The following TMEM164 variants were observed in gnomAD, a reference collection of about 807,000 sequenced individuals.
The protein encoded by TMEM164 is RP13-360B22.2.
A neutral mutation model predicts 18.8 loss-of-function variants in TMEM164; 4 were observed. That is an observed-to-expected ratio of 0.21 (90% CI 0.10 to 0.49). The LOEUF (loss-of-function observed/expected upper bound fraction) is 0.49, where lower values mean the gene tolerates loss of function less well. TMEM164 is among the 20% of genes least tolerant of loss of function. TMEM164 has a pLI of 0.98. For synonymous variants in TMEM164, 86 were observed against 101.7 expected (o/e 0.85, Z 0.93); for missense variants, 108 against 239.9 (o/e 0.45, Z 3.63).
At chrX:110,144,930 C>T (rs1288050231) in intron 5 of TMEM164, 54 bp downstream of exon 5, 2 of 1,011,362 alleles carry the variant, frequency 2.0e-6, no homozygotes, top group African/African-American at 3.7e-5. Context: ...CCTCTCCCTT[C>T]TGTTTTTGGG....
Position 110,037,984 on chromosome X carries a change from ATTTTTT to A in TMEM164, c.391-29344_391-29339del, listed in dbSNP as rs1036705725. 6.6e-3 allele frequency among the ~76,000 whole-genome samples: 482 copies of A among 72,667 alleles called. 4 individuals carry two copies. The highest frequency in any genetic ancestry group is 0.027 in the African/African-American group (450 of 16,378). The allele number at this position is 72,667 out of a possible 115,157, so 63.1% of individuals were successfully genotyped here. A position where few individuals can be genotyped will look rare whatever the true frequency, so the allele number is the denominator to read the frequency against. ...TTCCTAAAGAACAGCCTTTGGACTC[ATTTTTT>A]TTTTTTTTTTTTTTTTTTGAGACGG... On this transcript the variant is annotated intron_variant, in intron 2 of 6. Coordinates refer to ENST00000372068, the MANE Select transcript of TMEM164 (RefSeq NM_032227.4).
At chrX:110,158,945 A>G (rs1030753146) in intron 5 of TMEM164, among the ~76,000 whole-genome samples, 4 of 112,225 alleles carry the variant, frequency 3.6e-5, no homozygotes, top group Admixed American at 1.9e-4. Context: ...GTACTTCCTC[A>G]TGTGGTTGTA....
At chrX:110,180,272 G>A (rs1311007069), downstream of TMEM164, among the ~76,000 whole-genome samples, 4 of 112,544 alleles carry the variant, frequency 3.6e-5, no homozygotes, top group East Asian at 8.3e-4. Flanking sequence ...CATCCACCCC[G>A]CTGAGGGGTA....
At chrX:110,099,615 T>C (rs766133436) in intron 3 of TMEM164, among the ~76,000 whole-genome samples, 3 of 112,643 alleles carry the variant, frequency 2.7e-5, no homozygotes, top group Non-Finnish European at 5.6e-5. Flanking sequence ...TGCTTTAACT[T>C]TGTAGTAAGC....
At chrX:110,149,712 C>T (rs1225457200) in intron 5 of TMEM164, among the ~76,000 whole-genome samples, 2 of 111,972 alleles carry the variant, frequency 1.8e-5, no homozygotes, top group African/African-American at 3.3e-5. Context: ...CTCAGACTTA[C>T]GAGAGTCACA....
chrX:110,141,735 A>G (rs2066773433), intron 4 of TMEM164, among the ~76,000 whole-genome samples: 1 of 112,595 alleles, frequency 8.9e-6, no homozygotes, highest in East Asian at 2.8e-4. Context: ...TACATGGTAC[A>G]TAATATAAGT....
At chrX:110,007,578 A>G (rs1932789795) in intron 2 of TMEM164, among the ~76,000 whole-genome samples, 1 of 112,273 alleles carries the variant, frequency 8.9e-6, no homozygotes, top group South Asian at 3.7e-4. Context: ...ATCACCCAGT[A>G]AGTTAGTGGC....
intron 2 of TMEM164, chrX:110,020,425 G>A: frequency 1.3e-6 from 1 of 754,090 alleles, no homozygotes; most frequent in Non-Finnish European, 1.6e-6. Context: ...GTTGATTTAG[G>A]AGGTATTGCC....
intron 3 of TMEM164, among the ~76,000 whole-genome samples, chrX:110,093,830 A>G (rs935217231): frequency 4.5e-5 from 5 of 112,270 alleles, no homozygotes; most frequent in Non-Finnish European, 5.6e-5. Flanking sequence ...ATTTAGTGCT[A>G]TAAATTTTCC....
chrX:110,055,939 T>C lies in TMEM164; in HGVS notation c.391-11408T>C, dbSNP rs187153779. On this transcript the variant is annotated intron_variant, in intron 2 of 6. Coordinates refer to ENST00000372068, the MANE Select transcript of TMEM164 (RefSeq NM_032227.4). ...ATGATGATGCAGGAGGGGAGGGAGTTGAATGCCCAATTAAGGAATTTGGAC... is the reference window on the plus strand; with the variant it reads ...ATGATGATGCAGGAGGGGAGGGAGTCGAATGCCCAATTAAGGAATTTGGAC... 6.4e-4 allele frequency among the ~76,000 whole-genome samples: 71 copies of C among 110,433 alleles called. 1 individual carries two copies. The highest frequency in any genetic ancestry group is 1.0e-3 in the Non-Finnish European group (53 of 52,715).
intron 3 of TMEM164, among the ~76,000 whole-genome samples, chrX:110,073,413 T>A (rs995514734): frequency 4.1e-4 from 46 of 112,280 alleles, no homozygotes; most frequent in African/African-American, 1.4e-3. Context: ...GTATTTGATT[T>A]TCTGTTTCTG....
chrX:110,116,872 GTGTGGTGT>G (rs891577750), intron 4 of TMEM164, among the ~76,000 whole-genome samples: 2 of 103,400 alleles, frequency 1.9e-5, no homozygotes, highest in African/African-American at 7.3e-5. Context: ...GTGTGTGTGT[GTGTGGTGT>G]GTGTGTGTGT....
chrX:110,023,829 T>G (rs1356119504), intron 2 of TMEM164, among the ~76,000 whole-genome samples: 1 of 111,926 alleles, frequency 8.9e-6, no homozygotes, highest in African/African-American at 3.3e-5. Context: ...ATTATATTTT[T>G]GTATTGACGA....
intron 3 of TMEM164, 61 bp from the exon 4 acceptor site, chrX:110,109,017 CTT>C: frequency 3.6e-6 from 4 of 1,108,178 alleles, no homozygotes; most frequent in Non-Finnish European, 3.7e-6. Flanking sequence ...CCTGATGTGT[CTT>C]TTTTCTCCCT....
intron 3 of TMEM164, among the ~76,000 whole-genome samples, chrX:110,067,940 G>A (rs971598515): frequency 8.9e-6 from 1 of 112,730 alleles, no homozygotes; most frequent in East Asian, 2.8e-4. Context: ...CTGAAGGCAG[G>A]TTTATTTAAA....
chrX:110,112,282 G>A (rs1396611035), intron 4 of TMEM164, among the ~76,000 whole-genome samples: 2 of 111,732 alleles, frequency 1.8e-5, no homozygotes, highest in Non-Finnish European at 3.8e-5. Context: ...GCAGTGAGCC[G>A]AGATCACGCC....
intron 2 of TMEM164, among the ~76,000 whole-genome samples, chrX:110,028,552 A>G (rs1466520579): frequency 8.9e-6 from 1 of 112,247 alleles, no homozygotes; most frequent in East Asian, 2.8e-4. Flanking sequence ...ACATTTTGTT[A>G]TTGCTCAGTT....
rs868662841 is a variant in TMEM164, at chrX:110,003,961, C to A, written c.187C>A (p.Gln63Lys). ...ILVALRHILR[Q>K]TKEDGRGSPG... ...GGTGGCCCTGCGGCACATCCTGAGG[C>A]AGACGAAGGAGGACGGTAGGGGTAG... is the stretch of plus-strand genomic sequence containing the variant. The change falls in exon 2 of 7, where the codon CAG (glutamine) becomes AAG (lysine). Residue 63 changes from glutamine to lysine, a missense_variant. Physicochemically the swap from Gln to Lys is moderately conservative, Grantham distance 53. Coordinates refer to ENST00000372068, the MANE Select transcript of TMEM164 (RefSeq NM_032227.4). 3 of 1,211,587 alleles carry A rather than the reference C, an allele frequency of 2.5e-6. No individual in the cohort carries two copies. The highest frequency in any genetic ancestry group is 2.2e-6 in the Non-Finnish European group (2 of 895,433).
At chrX:110,020,006 G>A (rs1933716686) in intron 2 of TMEM164, among the ~76,000 whole-genome samples, 1 of 111,782 alleles carries the variant, frequency 8.9e-6, no homozygotes, top group Admixed American at 9.5e-5. Flanking sequence ...TTCTCTTCCT[G>A]TTGAAATGCT....
Sources: allele counts gnomAD v4.1 joint callset (sites outside exome capture counted in the v4.1 genomes callset), GRCh38; gene constraint gnomAD v4.1.1; transcripts MANE v1.5; gene names NCBI Gene and HGNC (gene_info 2026-07-23, HGNC 2026-07-21).